Variants in SLC6A8 observed in about 807,000 individuals in gnomAD.
The protein encoded by SLC6A8 is solute carrier family 6 member 8.
SLC6A8 carries 6 observed loss-of-function variants against 48.3 expected under a neutral mutation model. The ratio of observed to expected loss-of-function variants is 0.12; its 90% CI spans 0.07 to 0.25. SLC6A8 has a LOEUF of 0.25. Among genes scored for constraint, SLC6A8 ranks in the 10% least tolerant of loss-of-function variants. The pLI is 1.00. For missense variants in SLC6A8, 260 were observed against 551.5 expected, an observed-to-expected ratio of 0.47 and a Z score of 5.29; for synonymous variants, 245 against 244.0, an observed-to-expected ratio of 1.00 and a Z score of -0.04.
In SLC6A8 at chrX:153,690,404, G is replaced by T; in HGVS notation, c.292G>T (p.Ala98Ser). The change falls in exon 2 of 13, where the codon GCC becomes TCC. Residue 98 changes from alanine to serine, a missense_variant. Ala to Ser is a moderately conservative substitution (Grantham distance 99, BLOSUM62 1). Coordinates refer to ENST00000253122, the MANE Select transcript of SLC6A8 (RefSeq NM_005629.4). The part of the protein sequence containing the change: ...GVFLIPYVLI[A>S]LVGGIPIFFL... ...GTTCCTTATTCCCTACGTCCTGATC[G>T]CCCTGGTTGGAGGAATCCCCATTTT... 1 of 1,200,069 alleles carries T rather than the reference G, an allele frequency of 8.3e-7. No homozygotes were observed. Among genetic ancestry groups the T allele is most frequent in the South Asian group, 1.8e-5 (1 of 55,014 alleles).
chrX:153,692,272 C>T, intron 4 of SLC6A8, 165 bp downstream of exon 4: 1 of 562,335 alleles, frequency 1.8e-6, no homozygotes, highest in Non-Finnish European at 3.1e-6. Context: ...AATCCAGGGC[C>T]CAGCAGCCTT....
At position 153,696,330 on chromosome X, in the gene SLC6A8, A is replaced by G. The variant is rs1569539634; in HGVS notation, c.*1116A>G. 1 of 328,439 alleles carries G rather than the reference A, an allele frequency of 3.0e-6. No individual in the cohort carries two copies. The highest frequency in any genetic ancestry group is 2.6e-5 in the African/African-American group (1 of 37,768). The allele number at this position is 328,439 out of a possible 1,213,427, so 27.1% of individuals were successfully genotyped here. A position where few individuals can be genotyped will look rare whatever the true frequency, so the allele number is the denominator to read the frequency against. ...GTGCGGGGCACACCCCCAGGAAGGG[A>G]CCCTGGACACGGCTCCCACGTCCAG... is the stretch of plus-strand genomic sequence containing the variant. On this transcript the variant is annotated 3_prime_UTR_variant, in exon 13 of 13. Coordinates refer to ENST00000253122, the MANE Select transcript of SLC6A8 (RefSeq NM_005629.4).
chrX:153,696,485 G>C lies in SLC6A8; in HGVS notation c.*1271G>C. 3.0e-6 allele frequency: 1 copy of C among 331,645 alleles called. No homozygotes were observed. Among genetic ancestry groups the C allele is most frequent in the Admixed American group, 3.1e-5 (1 of 32,357 alleles). 27.3% of individuals were successfully genotyped at this position (331,645 alleles called of 1,213,427 possible). A position where few individuals can be genotyped will look rare whatever the true frequency, so the allele number is the denominator to read the frequency against. ...AAGGCTTCCCCGACACCCAGACAGA[G>C]GCTGCAGGGCTGGGGCTGGGTGAGG... On this transcript the variant is annotated 3_prime_UTR_variant, in exon 13 of 13. Transcript: ENST00000253122.
In SLC6A8 at chrX:153,688,558, T is replaced by C; in HGVS notation, c.-17T>C. 7 of 946,874 alleles carry C rather than the reference T, an allele frequency of 7.4e-6. No homozygotes were observed. Among genetic ancestry groups the C allele is most frequent in the Non-Finnish European group, 8.1e-6 (6 of 745,308 alleles). 78.0% of individuals were successfully genotyped at this position (946,874 alleles called of 1,213,427 possible). On this transcript the variant is annotated 5_prime_UTR_variant, in exon 1 of 13. Coordinates refer to ENST00000253122, the MANE Select transcript of SLC6A8 (RefSeq NM_005629.4). ...AGGCGCCGCGACCCCGGCCCGGCCGTGCGGCCCGCCGAGGCCATGGCGAAG... is the reference window on the plus strand; with the variant it reads ...AGGCGCCGCGACCCCGGCCCGGCCGCGCGGCCCGCCGAGGCCATGGCGAAG...
chrX:153,695,177 A>G lies in SLC6A8; in HGVS notation c.1871A>G (p.Glu624Gly). The change falls in exon 13 of 13, where the codon GAG becomes GGG. Residue 624 changes from glutamate to glycine, a missense_variant. Coordinates refer to ENST00000253122, the MANE Select transcript of SLC6A8 (RefSeq NM_005629.4). The stretch of plus-strand genomic sequence containing the variant: ...CTGACCACCCTGACCCCAGTGTCCG[A>G]GAGCAGCAAGGTCGTCGTGGTGGAG... ...RGLTTLTPVS[E>G]SSKVVVVESV... 8.4e-7 allele frequency: 1 copy of G among 1,193,265 alleles called. No individual in the cohort carries two copies. The highest frequency in any genetic ancestry group is 1.1e-6 in the Non-Finnish European group (1 of 885,662).
At chrX:153,691,650 G>A (rs1334431010) in intron 3 of SLC6A8, 97 bp downstream of exon 3, 5 of 1,051,278 alleles carry the variant, frequency 4.8e-6, no homozygotes, top group Non-Finnish European at 6.6e-6. Flanking sequence ...GCACCAGGGT[G>A]TTGCCTGGCA....
intron 1 of SLC6A8, among the ~76,000 whole-genome samples, chrX:153,690,002 C>T (rs1183811897): frequency 8.9e-6 from 1 of 112,886 alleles, no homozygotes; most frequent in Non-Finnish European, 1.9e-5. Context: ...CACACATGCA[C>T]ACATGCACGT....
chrX:153,695,060 C>G lies in SLC6A8; in HGVS notation c.1768-14C>G, dbSNP rs2148365184. 8.4e-7 allele frequency: 1 copy of G among 1,196,812 alleles called. No homozygotes were observed. The highest frequency in any genetic ancestry group is 1.1e-6 in the Non-Finnish European group (1 of 887,360). On this transcript the variant is annotated splice_polypyrimidine_tract_variant and intron_variant, in intron 12 of 12. Coordinates refer to ENST00000253122, the MANE Select transcript of SLC6A8 (RefSeq NM_005629.4). ...GTGACCCTGGGGGCTTCAGCATGTCCTCCTCTCCTGCAGCGCTGGCAGCAC... is the reference window on the plus strand; with the variant it reads ...GTGACCCTGGGGGCTTCAGCATGTCGTCCTCTCCTGCAGCGCTGGCAGCAC...
At chrX:153,691,745 G>A (rs782622640) in intron 3 of SLC6A8, among the ~76,000 whole-genome samples, 192 bp downstream of exon 3, 1 of 112,981 alleles carries the variant, frequency 8.9e-6, no homozygotes, top group Non-Finnish European at 1.9e-5. Flanking sequence ...GCCGATCACT[G>A]TCCTGGTCAC....
Position 153,695,412 on chromosome X carries a change from C to T in SLC6A8, c.*198C>T, listed in dbSNP as rs1557045954. On this transcript the variant is annotated 3_prime_UTR_variant, in exon 13 of 13. Transcript: ENST00000253122. ...AAAACGCCAAAAATATCACAACCCA[C>T]CAAAAATAGATGCCTCTCCCCCTCC... 8.6e-6 allele frequency: 4 copies of T among 462,741 alleles called. No individual in the cohort carries two copies. Among genetic ancestry groups the T allele is most frequent in the Non-Finnish European group, 1.5e-5 (4 of 264,767 alleles). The allele number at this position is 462,741 out of a possible 1,213,427, so 38.1% of individuals were successfully genotyped here.
rs782488606 is a variant in SLC6A8 at position 153,694,541 on chromosome X, C to T, written c.1504C>T (p.Arg502Cys). ...VVVAWVYGADRFMDDIACMIG... is the reference protein window; with the variant it reads ...VVVAWVYGADCFMDDIACMIG... ...GCCTCACCTCGCCGCAGGAGCTGAC[C>T]GCTTCATGGACGACATTGCCTGTAT... Residue 502 changes from arginine (R) to cysteine (C), a missense_variant, in exon 11 of 13, where the codon CGC becomes TGC. Physicochemically the swap from Arg to Cys is radical, Grantham distance 180. Around this residue, in one of 7 missense-constraint regions of SLC6A8, gnomAD observed 87 missense variants for 120.9 expected, o/e 0.72. Transcript: ENST00000253122. 37 of 1,207,267 alleles carry T rather than the reference C, an allele frequency of 3.1e-5. No individual in the cohort carries two copies. Among genetic ancestry groups the T allele is most frequent in the Non-Finnish European group, 3.8e-5 (34 of 893,484 alleles).
rs1478635455 is a variant in SLC6A8, at chrX:153,694,027, G to A, written c.1254+10G>A. ...TGGTCTCGACAGCCAGGTTTGCATGGGGCTCTGGGACAGGGAGCCAGGAGG... is the reference window on the plus strand; with the variant it reads ...TGGTCTCGACAGCCAGGTTTGCATGAGGCTCTGGGACAGGGAGCCAGGAGG... On this transcript the variant is annotated intron_variant, in intron 8 of 12. Transcript: ENST00000253122. 2 of 1,178,839 alleles carry A rather than the reference G, an allele frequency of 1.7e-6. No individual in the cohort carries two copies. The highest frequency in any genetic ancestry group is 2.3e-6 in the Non-Finnish European group (2 of 875,313).
Position 153,696,399 on chromosome X carries a change from G to A in SLC6A8, c.*1185G>A. The stretch of plus-strand genomic sequence containing the variant: ...TCCCGCACCTCCAGTCTTCTGTGTA[G>A]CAGCTTTAACCCACGTTTGTCTGTC... On this transcript the variant is annotated 3_prime_UTR_variant, in exon 13 of 13. Transcript: ENST00000253122. 6.0e-6 allele frequency: 2 copies of A among 331,552 alleles called. No individual in the cohort carries two copies. The highest frequency in any genetic ancestry group is 4.4e-4 in the Middle Eastern group (1 of 2,280). 27.3% of individuals were successfully genotyped at this position (331,552 alleles called of 1,213,427 possible). A position where few individuals can be genotyped will look rare whatever the true frequency, so the allele number is the denominator to read the frequency against.
rs2091489613 is a variant in SLC6A8 at position 153,696,018 on chromosome X, T to C, written c.*804T>C. On this transcript the variant is annotated 3_prime_UTR_variant, in exon 13 of 13. Coordinates refer to ENST00000253122, the MANE Select transcript of SLC6A8 (RefSeq NM_005629.4). Reference sequence around the variant, plus strand: ...AACCATCCTCTCCTTACCACTCCCATCCCTGTGAGCCCTACCTTACCCCTC... The same window carrying C: ...AACCATCCTCTCCTTACCACTCCCACCCCTGTGAGCCCTACCTTACCCCTC... 7.6e-6 allele frequency: 1 copy of C among 131,788 alleles called. No individual in the cohort carries two copies. The highest frequency in any genetic ancestry group is 1.5e-5 in the Non-Finnish European group (1 of 66,038). The allele number at this position is 131,788 out of a possible 1,213,427, so 10.9% of individuals were successfully genotyped here. A position where few individuals can be genotyped will look rare whatever the true frequency, so the allele number is the denominator to read the frequency against.
chrX:153,694,845 C>G lies in SLC6A8; in HGVS notation c.1723C>G (p.His575Asp). 1 of 1,207,557 alleles carries G rather than the reference C, an allele frequency of 8.3e-7. No homozygotes were observed. Among genetic ancestry groups the G allele is most frequent in the Non-Finnish European group, 1.1e-6 (1 of 893,661 alleles). Residue 575 changes from histidine (H) to aspartate (D), a missense_variant, in exon 12 of 13, where the codon CAC becomes GAC. By Grantham distance (81) the His-to-Asp change is moderately conservative. Transcript: ENST00000253122. ...GTCCTCCATGCTGTGCGTGCCGCTG[C>G]ACCTCCTGGGCTGCCTCCTCAGGGC... ...ALSSMLCVPL[H>D]LLGCLLRAKG...
intron 1 of SLC6A8, chrX:153,689,534 A>G (rs1300956700): frequency 2.7e-6 from 2 of 746,631 alleles, no homozygotes; most frequent in Non-Finnish European, 3.1e-6. Flanking sequence ...GATGGGTGGG[A>G]AACAGAGGTC....
At position 153,696,316 on chromosome X, in the gene SLC6A8, A is replaced by AC. The variant is rs2148366577; in HGVS notation, c.*1107dup. On this transcript the variant is annotated 3_prime_UTR_variant, in exon 13 of 13. Transcript: ENST00000253122. ...AGGCTTCCCACCCTGTGCGGGGCAC[A>AC]CCCCCAGGAAGGGACCCTGGACACG... 1 of 326,908 alleles carries AC rather than the reference A, an allele frequency of 3.1e-6. No individual in the cohort carries two copies. The highest frequency in any genetic ancestry group is 9.8e-5 in the East Asian group (1 of 10,179). 26.9% of individuals were successfully genotyped at this position (326,908 alleles called of 1,213,427 possible). A position where few individuals can be genotyped will look rare whatever the true frequency, so the allele number is the denominator to read the frequency against.
chrX:153,692,354 T>C (rs1431013998), intron 4 of SLC6A8: 1 of 443,477 alleles, frequency 2.3e-6, no homozygotes, highest in Non-Finnish European at 4.2e-6. Context: ...GGTGCCCTCC[T>C]GCCAGTCTCT....
At position 153,696,157 on chromosome X, in the gene SLC6A8, C is replaced by T. The variant is rs1331457451; in HGVS notation, c.*943C>T. The T allele has an allele frequency of 1.7e-5, 4 of 241,911 alleles. No individual in the cohort carries two copies. Among genetic ancestry groups the T allele is most frequent in the African/African-American group, 1.1e-4 (4 of 34,808 alleles). The allele number at this position is 241,911 out of a possible 1,213,427, so 19.9% of individuals were successfully genotyped here. ...GTGGATGTGCGTGTGTGGTCCCCAG[C>T]CCCAGACTGGATTGGAAAAGTGCAT... is the stretch of plus-strand genomic sequence containing the variant. On this transcript the variant is annotated 3_prime_UTR_variant, in exon 13 of 13. Coordinates refer to ENST00000253122, the MANE Select transcript of SLC6A8 (RefSeq NM_005629.4).
Sources: allele counts gnomAD v4.1 joint callset (sites outside exome capture counted in the v4.1 genomes callset), GRCh38; gene constraint gnomAD v4.1.1; regional missense constraint gnomAD v4.1.1; transcripts MANE v1.5; gene names NCBI Gene and HGNC (gene_info 2026-07-23, HGNC 2026-07-21).